Variants in HNRNPF observed in about 807,000 individuals in gnomAD.
HNRNPF encodes the protein HnRNP F protein.
HNRNPF carries 2 observed loss-of-function variants against 26.0 expected under a neutral mutation model. The ratio of observed to expected loss-of-function variants is 0.08; its 90% CI spans 0.03 to 0.24. HNRNPF has a LOEUF of 0.24. Ranked by LOEUF, HNRNPF falls within the 10% of genes least tolerant of loss-of-function variation. The pLI is 1.00. For synonymous variants in HNRNPF, 234 were observed against 211.5 expected, an observed-to-expected ratio of 1.11 and a Z score of -0.92; for missense variants, 299 against 539.2, an observed-to-expected ratio of 0.55 and a Z score of 4.41.
Position 43,387,926 on chromosome 10 carries a change from C to A in HNRNPF, c.-42G>T. The stretch of plus-strand genomic sequence containing the variant: ...GGGTGTCAGGTGATCTTGGGTGTGG[C>A]TTTTTTGTGGCTGGAAAAAAAAAAA... On this transcript the variant is annotated 5_prime_UTR_variant, in exon 4 of 4. Transcript: ENST00000682386. The surrounding 1 kb of genome is among the most constrained non-coding windows in gnomAD (Gnocchi z 6.0). The A allele has an allele frequency of 6.8e-7, 1 of 1,475,120 alleles. No individual in the cohort carries two copies. Among genetic ancestry groups the A allele is most frequent in the Non-Finnish European group, 9.1e-7 (1 of 1,095,246 alleles). 91.4% of individuals were successfully genotyped at this position (1,475,120 alleles called of 1,614,324 possible).
chr10:43,396,897 AGG>A (rs1388376068), intron 1 of HNRNPF: 1 of 1,358 alleles, frequency 7.4e-4, no homozygotes, highest in Non-Finnish European at 1.3e-3. Flanking sequence ...CGGGAGGGGG[AGG>A]GGAGGGGAGG....
rs763366937 is a variant in HNRNPF at position 43,387,417 on chromosome 10, G to A, written c.468C>T (p.Phe156=). The A allele has an allele frequency of 2.5e-6, 4 of 1,614,212 alleles. No homozygotes were observed. Among genetic ancestry groups the A allele is most frequent in the Non-Finnish European group, 2.5e-6 (3 of 1,180,032 alleles). Residue 156 remains phenylalanine, a synonymous_variant, in exon 4 of 4, where the codon TTC becomes TTT. Transcript: ENST00000682386. This position sits in a 1 kb window ranked among gnomAD's most constrained non-coding sequence, Gnocchi z 6.0. ...DPEGKITGEA[F]VQFASQELAE... ...CTAACTCCTGCGAGGCAAACTGCAC[G>A]AACGCTTCCCCTGTAATCTTGCCTT...
At chr10:43,403,243 C>T (rs1039227424) in intron 1 of HNRNPF, among the ~76,000 whole-genome samples, 5 of 152,148 alleles carry the variant, frequency 3.3e-5, no homozygotes, top group Non-Finnish European at 5.9e-5. Flanking sequence ...GTCTTGGACT[C>T]CTGGCCTCAA....
chr10:43,405,974 T>C (rs1224484684), intron 1 of HNRNPF, among the ~76,000 whole-genome samples: 1 of 152,026 alleles, frequency 6.6e-6, no homozygotes, highest in Non-Finnish European at 1.5e-5. Context: ...CAGTTGGGAC[T>C]GGGTCCCAAG....
chr10:43,407,772 CGAG>C (rs1838975992), intron 1 of HNRNPF: 1 of 152,244 alleles, frequency 6.6e-6, no homozygotes, highest in South Asian at 2.1e-4. Flanking sequence ...GCGGCGCAGC[CGAG>C]GAGGAAAAAG....
At chr10:43,388,344 G>C (rs1421392800) in intron 3 of HNRNPF, among the ~76,000 whole-genome samples, 1 of 152,128 alleles carries the variant, frequency 6.6e-6, no homozygotes, top group African/African-American at 2.4e-5. Flanking sequence ...TCTATGGTAG[G>C]ATACTTTTAC....
At position 43,396,312 on chromosome 10, in the gene HNRNPF, C is replaced by G. The variant is rs1269830120; in HGVS notation, c.-112+144G>C. 5 of 152,360 alleles carry G rather than the reference C, an allele frequency of 3.3e-5. No individual in the cohort carries two copies. In the East Asian group the frequency reaches 9.6e-4, roughly 29 times the overall value. 9.4% of individuals were successfully genotyped at this position (152,360 alleles called of 1,614,324 possible). ...CCTGGCCTCCCCTCCTAGACACACT[C>G]CCGTGCCCCCGGGAAACCGGGCAGC... is the stretch of plus-strand genomic sequence containing the variant. On this transcript the variant is annotated intron_variant, in intron 2 of 3. Transcript: ENST00000682386.
chr10:43,395,642 A>T (rs1453237081), intron 2 of HNRNPF, among the ~76,000 whole-genome samples: 1 of 152,222 alleles, frequency 6.6e-6, no homozygotes, highest in African/African-American at 2.4e-5. Context: ...TCAGGGGTGA[A>T]ACAGTTTCAA....
chr10:43,406,321 A>G (rs1291943768), intron 1 of HNRNPF, among the ~76,000 whole-genome samples: 1 of 152,144 alleles, frequency 6.6e-6, no homozygotes, highest in East Asian at 1.9e-4. Flanking sequence ...CTATTTACTC[A>G]GTCTTTTCCC....
At chr10:43,401,678 TC>T (rs1323451720) in intron 1 of HNRNPF, among the ~76,000 whole-genome samples, 1 of 152,176 alleles carries the variant, frequency 6.6e-6, no homozygotes, top group Non-Finnish European at 1.5e-5. Flanking sequence ...ATTTTGTTTT[TC>T]CCAGACCACC....
rs1471840955 is a variant in HNRNPF at position 43,396,882 on chromosome 10, C to A, written c.-246-292G>T. ...GGGAGGGTTCCCGGAGGGAAGGGCG[C>A]CTCGCGGGAGGGGGAGGGGAGGGGA... On this transcript the variant is annotated intron_variant, in intron 1 of 3. Transcript: ENST00000682386. 5.7e-5 allele frequency: 4 copies of A among 69,826 alleles called. 1 individual carries two copies. Among genetic ancestry groups the A allele is most frequent in the African/African-American group, 3.4e-4 (4 of 11,800 alleles). 4.3% of individuals were successfully genotyped at this position (69,826 alleles called of 1,614,324 possible).
At chr10:43,398,348 T>G (rs1293251933) in intron 1 of HNRNPF, among the ~76,000 whole-genome samples, 1 of 150,218 alleles carries the variant, frequency 6.7e-6, no homozygotes, top group Non-Finnish European at 1.5e-5. Context: ...GTTGTTGTTT[T>G]TTTTTTTTTT....
At chr10:43,398,895 TA>T (rs1838660350) in intron 1 of HNRNPF, among the ~76,000 whole-genome samples, 2 of 152,284 alleles carry the variant, frequency 1.3e-5, no homozygotes, top group Non-Finnish European at 2.9e-5. Context: ...CAGGGAACAG[TA>T]ACATACTGCA....
intron 3 of HNRNPF, among the ~76,000 whole-genome samples, chr10:43,388,498 T>C (rs17153606): frequency 0.24 from 36,862 of 152,102 alleles, 5,922 homozygotes; most frequent in African/African-American, 0.46. Context: ...GGAGTTATGA[T>C]TTTGCTCCTA....
intron 1 of HNRNPF, chr10:43,396,959 G>C (rs904106625): frequency 5.3e-5 from 8 of 151,360 alleles, no homozygotes; most frequent in African/African-American, 1.9e-4. Context: ...GGGCGAGAGC[G>C]AGGGCGACGG....
chr10:43,408,421 C>A (rs1838999885), intron 1 of HNRNPF, among the ~76,000 whole-genome samples: 1 of 152,212 alleles, frequency 6.6e-6, no homozygotes, highest in Non-Finnish European at 1.5e-5. Flanking sequence ...ACGGGCCCCT[C>A]GACCTCGAAT....
intron 1 of HNRNPF, 198 bp from the exon 2 acceptor site, chr10:43,396,788 G>C (rs774746095): frequency 2.6e-5 from 4 of 152,026 alleles, no homozygotes; most frequent in Admixed American, 1.3e-4. Context: ...GGGCCTGCGC[G>C]GGCTCGGGCG....
chr10:43,387,342 A>T lies in HNRNPF; in HGVS notation c.543T>A (p.Ile181=). The change falls in exon 4 of 4, where the codon ATT becomes ATA. Residue 181 remains isoleucine (I), a synonymous_variant. Coordinates refer to ENST00000682386, the MANE Select transcript of HNRNPF (RefSeq NM_001098204.2). The surrounding 1 kb of genome is among the most constrained non-coding windows in gnomAD (Gnocchi z 6.0). ...CCTCCTGGCTGCTCTTAAACACCTCAATGTACCTGTGCCCTATCCTCTCCT... is the reference window on the plus strand; with the variant it reads ...CCTCCTGGCTGCTCTTAAACACCTCTATGTACCTGTGCCCTATCCTCTCCT... The part of the protein sequence containing the change: ...KHKERIGHRY[I]EVFKSSQEEV... 6.2e-7 allele frequency: 1 copy of T among 1,614,056 alleles called. No individual in the cohort carries two copies. Among genetic ancestry groups the T allele is most frequent in the Non-Finnish European group, 8.5e-7 (1 of 1,180,004 alleles).
chr10:43,396,560 G>A lies in HNRNPF; in HGVS notation c.-216C>T, dbSNP rs1838527208. 1 of 152,280 alleles carries A rather than the reference G, an allele frequency of 6.6e-6. No homozygotes were observed. Among genetic ancestry groups the A allele is most frequent in the African/African-American group, 2.4e-5 (1 of 41,476 alleles). The allele number at this position is 152,280 out of a possible 1,614,324, so 9.4% of individuals were successfully genotyped here. On this transcript the variant is annotated 5_prime_UTR_variant, in exon 2 of 4. Coordinates refer to ENST00000682386, the MANE Select transcript of HNRNPF (RefSeq NM_001098204.2). ...GCTCAACCACGCAGAGGGCTCCGGG[G>A]AAACTCCAGGTGCATGTTTTTGTTC...
Sources: allele counts gnomAD v4.1 joint callset (sites outside exome capture counted in the v4.1 genomes callset), GRCh38; gene constraint gnomAD v4.1.1; non-coding constraint Gnocchi (gnomAD v3.1); transcripts MANE v1.5; gene names NCBI Gene and HGNC (gene_info 2026-07-23, HGNC 2026-07-21).